Variants in JUP observed in about 807,000 individuals in gnomAD.
The protein encoded by JUP is junction plakoglobin.
In JUP, 28 loss-of-function variants were observed where a neutral mutation model predicts 71.1. The ratio of observed to expected loss-of-function variants is 0.39; its 90% CI spans 0.29 to 0.54. JUP has a LOEUF of 0.54. JUP is among the 20% of genes least tolerant of loss of function. JUP has a pLI of 0.62. For missense variants in JUP, 869 were observed against 1,030.1 expected (o/e 0.84, Z 2.14); for synonymous variants, 401 against 438.9 (o/e 0.91, Z 1.08).
At chr17:41,761,468 A>G (rs2143518115) in intron 8 of JUP, among the ~76,000 whole-genome samples, 1 of 152,278 alleles carries the variant, frequency 6.6e-6, no homozygotes. Flanking sequence ...GTCTACACCC[A>G]GTGGCATAAG....
At position 41,769,190 on chromosome 17, in the gene JUP, C is replaced by T. The variant is rs113317262; in HGVS notation, c.486G>A (p.Ala162=). The T allele has an allele frequency of 3.6e-4, 584 of 1,601,196 alleles. No individual in the cohort carries two copies. The highest frequency in any genetic ancestry group is 5.2e-4 in the Middle Eastern group (3 of 5,724). ...NDEDPVVVTK[A]AMIVNQLSKK... ...TCGACAGCTGGTTCACAATCATGGC[C>T]GCCTTGGTCACCACCACCTGGAGGG... Residue 162 remains alanine, a synonymous_variant, in exon 4 of 14, where the codon GCG becomes GCA. Coordinates refer to ENST00000393931, the MANE Select transcript of JUP (RefSeq NM_002230.4).
In JUP at chr17:41,771,822, G is replaced by A. The variant is rs2143738156; in HGVS notation, c.33C>T (p.Ile11=). 5 of 1,613,742 alleles carry A rather than the reference G, an allele frequency of 3.1e-6. No individual in the cohort carries two copies. The highest frequency in any genetic ancestry group is 4.2e-6 in the Non-Finnish European group (5 of 1,179,860). The change falls in exon 2 of 14, where the codon ATC becomes ATT. Residue 11 remains isoleucine, a synonymous_variant. Transcript: ENST00000393931. The part of the protein sequence containing the change: MEVMNLMEQP[I]KVTEWQQTYT... ...ATGTCTGCTGCCACTCAGTCACCTT[G>A]ATAGGCTGCTCCATCAGGTTCATCA...
chr17:41,776,304 T>C (rs979877062), intron 1 of JUP, among the ~76,000 whole-genome samples: 20 of 152,344 alleles, frequency 1.3e-4, no homozygotes, highest in Non-Finnish European at 2.6e-4. Flanking sequence ...TAAGCCTCAT[T>C]TTCTCATCTG....
At chr17:41,766,342 G>C (rs1915708444) in intron 5 of JUP, among the ~76,000 whole-genome samples, 1 of 152,032 alleles carries the variant, frequency 6.6e-6, no homozygotes. Context: ...AAAAGGAAAG[G>C]GGAGGGGGAA....
Position 41,769,556 on chromosome 17 carries a change from G to A in JUP, c.330C>T (p.Ala110=). The A allele has an allele frequency of 6.2e-7, 1 of 1,608,482 alleles. No homozygotes were observed. The highest frequency in any genetic ancestry group is 1.1e-5 in the South Asian group (1 of 90,032). The change falls in exon 3 of 14, where the codon GCC becomes GCT. Residue 110 remains alanine, a synonymous_variant. Coordinates refer to ENST00000393931, the MANE Select transcript of JUP (RefSeq NM_002230.4). ...LLLATQVEGQ[A]TNLQRLAEPS... ...GCTCGGCCAGTCGCTGCAGGTTGGT[G>A]GCCTGCCCCTCCACCTGGGTGGCCA... is the stretch of plus-strand genomic sequence containing the variant.
rs781788038 is a variant in JUP at position 41,763,050 on chromosome 17, C to T, written c.1430G>A (p.Arg477His). 30 of 1,613,964 alleles carry T rather than the reference C, an allele frequency of 1.9e-5. No homozygotes were observed. Among genetic ancestry groups the T allele is most frequent in the East Asian group, 1.1e-4 (5 of 44,886 alleles). ...PEAEMAQNSV[R>H]LNYGIPAIVK... ...GATGGCTGGGATGCCATAGTTGAGA[C>T]GCACAGAGTTCTGGGCCATCTCGGC... Residue 477 changes from arginine (R) to histidine (H), a missense_variant, in exon 8 of 14, where the codon CGT becomes CAT. Transcript: ENST00000393931.
intron 1 of JUP, among the ~76,000 whole-genome samples, chr17:41,785,412 A>T (rs2047406336): frequency 6.6e-6 from 1 of 152,134 alleles, no homozygotes; most frequent in Non-Finnish European, 1.5e-5. Flanking sequence ...AGGAGGCAGG[A>T]AGAGAAGGAA....
intron 1 of JUP, among the ~76,000 whole-genome samples, chr17:41,782,485 G>A (rs1335656108): frequency 6.6e-6 from 1 of 152,100 alleles, no homozygotes; most frequent in African/African-American, 2.4e-5. Context: ...AGCAAAGCAG[G>A]CAACTCCCAC....
In JUP at chr17:41,755,020, G is replaced by A; in HGVS notation, c.*724C>T. 2.9e-6 allele frequency: 1 copy of A among 341,872 alleles called. No homozygotes were observed. Among genetic ancestry groups the A allele is most frequent in the Non-Finnish European group, 5.3e-6 (1 of 190,118 alleles). The allele number at this position is 341,872 out of a possible 1,614,324, so 21.2% of individuals were successfully genotyped here. On this transcript the variant is annotated 3_prime_UTR_variant, in exon 14 of 14. Coordinates refer to ENST00000393931, the MANE Select transcript of JUP (RefSeq NM_002230.4). ...TTCAAGAGAAGTTTTGGATTTTGGG[G>A]GTTTGGGTCTCGAACCTGGGCCCTG...
rs1915425116 is a variant in JUP, at chr17:41,764,766, C to A, written c.1105G>T (p.Val369Leu). 1 of 1,613,576 alleles carries A rather than the reference C, an allele frequency of 6.2e-7. No individual in the cohort carries two copies. The highest frequency in any genetic ancestry group is 8.5e-7 in the Non-Finnish European group (1 of 1,179,984). ...KHLTSNSPRL[V>L]QNCLWTLRNL... ...CGCAGGGTCCACAGGCAGTTCTGCACCAGGCGGGGGCTGTTGCTGGTCAGG... is the reference window on the plus strand; with the variant it reads ...CGCAGGGTCCACAGGCAGTTCTGCAACAGGCGGGGGCTGTTGCTGGTCAGG... The change falls in exon 7 of 14, where the codon GTG becomes TTG. Residue 369 changes from valine (V) to leucine (L), a missense_variant. Val to Leu is a conservative substitution (Grantham distance 32). Coordinates refer to ENST00000393931, the MANE Select transcript of JUP (RefSeq NM_002230.4).
intron 8 of JUP, among the ~76,000 whole-genome samples, chr17:41,762,299 TC>T (rs1915029129): frequency 6.6e-6 from 1 of 150,972 alleles, no homozygotes; most frequent in African/African-American, 2.4e-5. Flanking sequence ...GGTCTCAAAC[TC>T]CTGGCCTCAA....
At chr17:41,762,174 AGAGT>A (rs1914985711) in intron 8 of JUP, among the ~76,000 whole-genome samples, 1 of 42,362 alleles carries the variant, frequency 2.4e-5, no homozygotes, top group Admixed American at 2.6e-4. Context: ...AGAGAGAGAG[AGAGT>A]GTGTGTGTGT....
intron 8 of JUP, among the ~76,000 whole-genome samples, chr17:41,760,460 G>A (rs568526102): frequency 1.1e-3 from 166 of 151,740 alleles, no homozygotes; most frequent in African/African-American, 3.8e-3. Context: ...GGGTTTCACC[G>A]TGTTAGCCAG....
At chr17:41,775,618 G>GAC (rs1204310661) in intron 1 of JUP, among the ~76,000 whole-genome samples, 1 of 152,204 alleles carries the variant, frequency 6.6e-6, no homozygotes, top group Non-Finnish European at 1.5e-5. Flanking sequence ...CCCAGCCAGA[G>GAC]ACGGGCAGGG....
At chr17:41,785,488 C>T (rs1257931271) in intron 1 of JUP, among the ~76,000 whole-genome samples, 2 of 152,004 alleles carry the variant, frequency 1.3e-5, no homozygotes, top group Middle Eastern at 3.2e-3. Flanking sequence ...CCCCTGGGGC[C>T]CAGCGAACAG....
In JUP at chr17:41,762,690, C is replaced by T. The variant is rs563156492; in HGVS notation, c.1497+293G>A. On this transcript the variant is annotated intron_variant, in intron 8 of 13. Coordinates refer to ENST00000393931, the MANE Select transcript of JUP (RefSeq NM_002230.4). ...TGTTGGGATTACAGGCATGAGCCAC[C>T]GTGCCTGGCCCTGGAACCTGCAATT... Among the ~76,000 whole-genome samples the T allele has an allele frequency of 9.3e-4, 142 of 152,276 alleles. 1 individual carries two copies. Among genetic ancestry groups the T allele is most frequent in the African/African-American group, 3.1e-3 (130 of 41,562 alleles).
In JUP at chr17:41,759,308, C is replaced by G. The variant is rs140757389; in HGVS notation, c.1498-438G>C. On this transcript the variant is annotated intron_variant, in intron 8 of 13. Coordinates refer to ENST00000393931, the MANE Select transcript of JUP (RefSeq NM_002230.4). Reference sequence around the variant, plus strand: ...CAGGCTGGCCTCGAACCCCTGACCTCAGGTGATCCGCCTGCTTCTGCCTTC... The same window carrying G: ...CAGGCTGGCCTCGAACCCCTGACCTGAGGTGATCCGCCTGCTTCTGCCTTC... Among the ~76,000 whole-genome samples the G allele has an allele frequency of 3.4e-3, 520 of 152,248 alleles. 3 individuals carry two copies. Among genetic ancestry groups the G allele is most frequent in the African/African-American group, 0.012 (492 of 41,542 alleles).
Position 41,764,917 on chromosome 17 carries a change from A to G in JUP, c.1054+6T>C. On this transcript the variant is annotated splice_donor_region_variant and intron_variant, in intron 6 of 13. Coordinates refer to ENST00000393931, the MANE Select transcript of JUP (RefSeq NM_002230.4). ...CCCCAGCCGCCCTCAAGGCCATCAT[A>G]CTCACCAGCCTCCACAATGGCAGGC... The G allele has an allele frequency of 1.2e-6, 2 of 1,614,038 alleles. No individual in the cohort carries two copies. Among genetic ancestry groups the G allele is most frequent in the East Asian group, 2.2e-5 (1 of 44,868 alleles).
intron 1 of JUP, among the ~76,000 whole-genome samples, chr17:41,783,775 C>A (rs539663974): frequency 1.3e-5 from 2 of 150,666 alleles, no homozygotes. Context: ...AAAAATCAGC[C>A]GGGGGTGGTG....
Sources: gnomAD v4.1 joint callset for allele counts (sites outside exome capture counted in the v4.1 genomes callset) on GRCh38, gnomAD v4.1.1 for gene constraint, MANE v1.5 for transcripts, NCBI Gene and HGNC (gene_info 2026-07-23, HGNC 2026-07-21) for gene names.